The following OR2L13 variants were observed in gnomAD, a reference collection of about 807,000 sequenced individuals.
The protein encoded by OR2L13 is olfactory receptor 2L13.
OR2L13 carries 14 observed loss-of-function variants against 15.3 expected under a neutral mutation model. The ratio of observed to expected loss-of-function variants is 0.91; its 90% confidence interval spans 0.60 to 1.43. The LOEUF is 1.43. Ranked by LOEUF, OR2L13 falls within the 40% of genes most tolerant of loss-of-function variation. The pLI, the probability that OR2L13 is intolerant of heterozygous loss-of-function variation, is 0.00. For missense variants in OR2L13, 367 were observed against 387.9 expected, an observed-to-expected ratio of 0.95 and a Z score of 0.45; for synonymous variants, 152 against 142.9, an observed-to-expected ratio of 1.06 and a Z score of -0.45.
the OR2L13 span, chr1:247,990,624 T>A: frequency 6.5e-7 from 1 of 1,542,280 alleles, no homozygotes. Context: ...CAATGGCCTA[T>A]GATCGTTATG....
At chr1:247,994,372 G>A in the OR2L13 span, among the ~76,000 whole-genome samples, 12 of 152,086 alleles carry the variant, frequency 7.9e-5, no homozygotes, top group African/African-American at 2.9e-4. Flanking sequence ...ACTCCAGCCG[G>A]GGCGACAGAG....
At chr1:248,100,969 C>T (rs41295944) in exon 3 of OR2L13, 26,593 of 154,284 alleles carry the variant, frequency 0.17, 3,772 homozygotes, top group African/African-American at 0.4. Context: ...AGCATATGCA[C>T]ATTTATTGTA....
At chr1:248,082,447 A>G in the OR2L13 span, among the ~76,000 whole-genome samples, 2 of 150,520 alleles carry the variant, frequency 1.3e-5, no homozygotes, top group South Asian at 4.3e-4. Context: ...ATGTATACAT[A>G]TGTAACTAAC....
At chr1:247,990,066 A>C in the OR2L13 span, among the ~76,000 whole-genome samples, 1 of 152,122 alleles carries the variant, frequency 6.6e-6, no homozygotes, top group African/African-American at 2.4e-5. Context: ...ATTTTTGTTA[A>C]TCTCTTCCTT....
the OR2L13 span, among the ~76,000 whole-genome samples, chr1:248,029,469 ATATT>A: frequency 6.6e-6 from 1 of 152,142 alleles, no homozygotes; most frequent in African/African-American, 2.4e-5. Flanking sequence ...TATTTTCTAA[ATATT>A]AATAAACCAA....
the OR2L13 span, among the ~76,000 whole-genome samples, chr1:248,059,037 A>G: frequency 6.6e-6 from 1 of 152,330 alleles, no homozygotes; most frequent in Admixed American, 6.5e-5. Context: ...ATTTCGTAAC[A>G]TATCATACAT....
the OR2L13 span, among the ~76,000 whole-genome samples, chr1:247,986,283 T>G: frequency 6.6e-6 from 1 of 152,182 alleles, no homozygotes; most frequent in Admixed American, 6.5e-5. Context: ...TGAATTAATT[T>G]TTGTATAAGG....
chr1:248,032,157 G>A, the OR2L13 span, among the ~76,000 whole-genome samples: 1 of 151,956 alleles, frequency 6.6e-6, no homozygotes, highest in Admixed American at 6.6e-5. Flanking sequence ...CTTCTAAATT[G>A]TCCCTCACAA....
the OR2L13 span, among the ~76,000 whole-genome samples, chr1:247,963,375 ATGAGCAG>A: frequency 2.4e-4 from 37 of 152,118 alleles, no homozygotes; most frequent in African/African-American, 8.7e-4. Flanking sequence ...TCTAATTATA[ATGAGCAG>A]TGAGGACCAC....
At chr1:248,053,753 C>CT in the OR2L13 span, among the ~76,000 whole-genome samples, 21 of 152,006 alleles carry the variant, frequency 1.4e-4, 1 homozygote, top group South Asian at 1.9e-3. Context: ...ATACCTATGT[C>CT]TTTTTTTTGA....
the OR2L13 span, chr1:247,990,616 A>G: frequency 1.9e-5 from 30 of 1,546,526 alleles, no homozygotes; most frequent in Admixed American, 5.0e-5. Context: ...CCTGACATCA[A>G]TGGCCTATGA....
the OR2L13 span, chr1:248,003,159 A>G: frequency 7.1e-7 from 1 of 1,406,696 alleles, no homozygotes; most frequent in South Asian, 1.2e-5. Context: ...ACATCAACTG[A>G]TTTCATCTTA....
the OR2L13 span, among the ~76,000 whole-genome samples, chr1:248,058,745 A>T: frequency 6.6e-6 from 1 of 152,040 alleles, no homozygotes; most frequent in African/African-American, 2.4e-5. Flanking sequence ...AAAATTTTTA[A>T]AGAATATTAA....
upstream of OR2L13, among the ~76,000 whole-genome samples, chr1:248,092,044 A>G (rs1342797851): frequency 6.6e-6 from 1 of 152,026 alleles, no homozygotes; most frequent in East Asian, 1.9e-4. Flanking sequence ...GGCCATAGTG[A>G]ATAGGATTGA....
the OR2L13 span, among the ~76,000 whole-genome samples, chr1:248,085,410 AAATAAAAT>A: frequency 1.1e-5 from 1 of 92,346 alleles, no homozygotes; most frequent in African/African-American, 5.2e-5. Context: ...TAATAAAATA[AAATAAAAT>A]AATAAAATAA....
At chr1:248,092,765 T>G, upstream of OR2L13, among the ~76,000 whole-genome samples, 1 of 152,186 alleles carries the variant, frequency 6.6e-6, no homozygotes, top group Non-Finnish European at 1.5e-5. Flanking sequence ...TGGATTTTTT[T>G]TAATTGATCG....
At chr1:247,971,371 G>T in the OR2L13 span, among the ~76,000 whole-genome samples, 6 of 152,146 alleles carry the variant, frequency 3.9e-5, no homozygotes, top group African/African-American at 1.4e-4. Flanking sequence ...TGGAAGAAAG[G>T]TTGGTTGAGG....
the OR2L13 span, among the ~76,000 whole-genome samples, chr1:248,006,826 A>G: frequency 5.3e-5 from 8 of 152,292 alleles, no homozygotes; most frequent in African/African-American, 1.9e-4. Flanking sequence ...GCTACCATCT[A>G]TGAACCAGAA....
the OR2L13 span, among the ~76,000 whole-genome samples, chr1:248,086,375 G>T: frequency 1.3e-5 from 2 of 152,042 alleles, no homozygotes; most frequent in African/African-American, 4.8e-5. Context: ...TGGAACCATT[G>T]CTCTTTTCTT....
Sources: allele counts gnomAD v4.1 joint callset (sites outside exome capture counted in the v4.1 genomes callset), GRCh38; gene constraint gnomAD v4.1.1; transcripts MANE v1.5; gene names NCBI Gene and HGNC (gene_info 2026-07-23, HGNC 2026-07-21).